The following DTWD2 variants were observed in gnomAD, a reference collection of about 807,000 sequenced individuals.
DTWD2 encodes the protein DTW motif tRNA-uridine aminocarboxypropyltransferase 2.
A neutral mutation model predicts 31.8 loss-of-function variants in DTWD2; 39 were observed. The observed-to-expected ratio is 1.22, with a 90% CI of 0.95 to 1.60. The LOEUF (loss-of-function observed/expected upper bound fraction) is 1.60. DTWD2 is among the 40% of genes most tolerant of loss of function. The pLI is 0.00. For missense variants in DTWD2, 515 were observed against 381.5 expected (o/e 1.35, Z -2.92); for synonymous variants, 180 against 142.8 (o/e 1.26, Z -1.86).
intron 5 of DTWD2, among the ~76,000 whole-genome samples, chr5:118,846,920 G>GCACACACACACACACA (rs144531960): frequency 3.0e-5 from 4 of 134,870 alleles, no homozygotes; most frequent in East Asian, 2.5e-4. Context: ...AAACACACAG[G>GCACACACACACACACA]CACACACACA....
At chr5:118,931,157 C>A (rs1257084546) in intron 3 of DTWD2, among the ~76,000 whole-genome samples, 2 of 151,984 alleles carry the variant, frequency 1.3e-5, no homozygotes, top group African/African-American at 2.4e-5. Context: ...CTTTGGGAGT[C>A]CAAGGCAGGA....
At chr5:118,988,103 C>T (rs924530450) in intron 1 of DTWD2, 191 bp downstream of exon 1, 2 of 742,646 alleles carry the variant, frequency 2.7e-6, no homozygotes, top group Non-Finnish European at 4.7e-6. Flanking sequence ...GTTAGATAAT[C>T]ATGAACCTGG....
chr5:118,875,496 G>A (rs948126670), intron 4 of DTWD2, among the ~76,000 whole-genome samples: 1 of 148,948 alleles, frequency 6.7e-6, no homozygotes, highest in African/African-American at 2.5e-5. Flanking sequence ...CAAAATAAAG[G>A]GAGGGAGAAA....
chr5:118,962,527 C>CA (rs898188185), intron 1 of DTWD2, among the ~76,000 whole-genome samples: 5 of 149,138 alleles, frequency 3.4e-5, no homozygotes, highest in Middle Eastern at 3.4e-3. Context: ...CTTCTGAATC[C>CA]AAAAAAAAAT....
At chr5:118,857,534 T>C (rs1417639528) in intron 4 of DTWD2, among the ~76,000 whole-genome samples, 3 of 152,228 alleles carry the variant, frequency 2.0e-5, no homozygotes, top group African/African-American at 4.8e-5. Flanking sequence ...TATTAATTTT[T>C]CGGAGTCTTT....
intron 4 of DTWD2, among the ~76,000 whole-genome samples, chr5:118,856,940 T>A (rs1376856138): frequency 2.0e-5 from 3 of 149,294 alleles, no homozygotes; most frequent in Admixed American, 2.0e-4. Flanking sequence ...GCCCAATTAA[T>A]TTTTTTTTGT....
chr5:118,913,058 C>G (rs1201282904), intron 4 of DTWD2, among the ~76,000 whole-genome samples: 1 of 152,102 alleles, frequency 6.6e-6, no homozygotes, highest in African/African-American at 2.4e-5. Flanking sequence ...TTATGCCTAG[C>G]GTTCCATTAT....
intron 2 of DTWD2, among the ~76,000 whole-genome samples, chr5:118,942,114 T>A (rs558039333): frequency 6.6e-6 from 1 of 152,236 alleles, no homozygotes; most frequent in Non-Finnish European, 1.5e-5. Flanking sequence ...AAAAATTTTC[T>A]CTCATTCTGT....
intron 5 of DTWD2, among the ~76,000 whole-genome samples, chr5:118,841,561 T>C (rs1751714244): frequency 6.6e-6 from 1 of 152,226 alleles, no homozygotes; most frequent in Non-Finnish European, 1.5e-5. Context: ...TTCTCTCACA[T>C]TAGTGCCATG....
chr5:118,909,653 T>C (rs936036051), intron 4 of DTWD2, among the ~76,000 whole-genome samples: 2 of 152,126 alleles, frequency 1.3e-5, no homozygotes, highest in Non-Finnish European at 2.9e-5. Context: ...CACATGCAGA[T>C]TTCAGGGCTG....
At chr5:118,972,795 C>T (rs960789622) in intron 1 of DTWD2, among the ~76,000 whole-genome samples, 8 of 152,218 alleles carry the variant, frequency 5.3e-5, no homozygotes, top group African/African-American at 9.7e-5. Context: ...TTGGCTTCAT[C>T]CCTGGGATCC....
intron 4 of DTWD2, among the ~76,000 whole-genome samples, chr5:118,855,979 C>CA (rs1206651251): frequency 6.6e-6 from 1 of 152,052 alleles, no homozygotes; most frequent in African/African-American, 2.4e-5. Flanking sequence ...CTAAAACTGA[C>CA]ATCCTTGAAT....
rs1755098823 is a variant in DTWD2 at position 118,974,502 on chromosome 5, T to G, written c.218+13792A>C. On this transcript the variant is annotated intron_variant, in intron 1 of 5. Coordinates refer to ENST00000510708, the MANE Select transcript of DTWD2 (RefSeq NM_173666.4). ...GCGTTCTCTGTCCTACTTCTGACTT[T>G]ACTTGTGGTGTGACCATGTTCATTA... 7 of 459,460 alleles carry G rather than the reference T, an allele frequency of 1.5e-5. No individual in the cohort carries two copies. In the Admixed American group the frequency reaches 1.8e-4, roughly 12 times the overall value. The allele number at this position is 459,460 out of a possible 1,614,324, so 28.5% of individuals were successfully genotyped here.
intron 4 of DTWD2, among the ~76,000 whole-genome samples, chr5:118,907,358 GAA>G (rs1270906148): frequency 6.6e-6 from 1 of 150,724 alleles, no homozygotes; most frequent in African/African-American, 2.4e-5. Flanking sequence ...GAGAGAGAGA[GAA>G]AGAGATTTCT....
chr5:118,922,261 T>G lies in DTWD2; in HGVS notation c.597+6276A>C, dbSNP rs1164981659. ...CTTTCATTCCTCAATTATGTAAGTATGAAGTTCACATACGGCTAGTTACTG... is the reference window on the plus strand; with the variant it reads ...CTTTCATTCCTCAATTATGTAAGTAGGAAGTTCACATACGGCTAGTTACTG... On this transcript the variant is annotated intron_variant, in intron 4 of 5. Transcript: ENST00000510708. Among the ~76,000 whole-genome samples, 3 of 152,228 alleles carry G rather than the reference T, an allele frequency of 2.0e-5. No individual in the cohort carries two copies. The South Asian group carries it at 6.2e-4, about 32-fold the overall frequency.
At position 118,857,388 on chromosome 5, in the gene DTWD2, T is replaced by A. The variant is rs147401931; in HGVS notation, c.598-9170A>T. On this transcript the variant is annotated intron_variant, in intron 4 of 5. Coordinates refer to ENST00000510708, the MANE Select transcript of DTWD2 (RefSeq NM_173666.4). ...AATGAAAATTTTTACTTTGGCCATATGTTGGGGGTTTTTTGCAGTTTCCTA... is the reference window on the plus strand; with the variant it reads ...AATGAAAATTTTTACTTTGGCCATAAGTTGGGGGTTTTTTGCAGTTTCCTA... Among the ~76,000 whole-genome samples, 296 of 152,304 alleles carry A rather than the reference T, an allele frequency of 1.9e-3. 1 individual carries two copies. Among genetic ancestry groups the A allele is most frequent in the Admixed American group, 4.7e-3 (72 of 15,294 alleles).
chr5:118,879,564 C>A (rs575029179), intron 4 of DTWD2, among the ~76,000 whole-genome samples: 3 of 147,592 alleles, frequency 2.0e-5, no homozygotes, highest in Non-Finnish European at 4.5e-5. Context: ...GAGCCAAGAT[C>A]GCACCACTAC....
intron 1 of DTWD2, among the ~76,000 whole-genome samples, chr5:118,972,246 G>T (rs1045455225): frequency 6.6e-6 from 1 of 152,078 alleles, no homozygotes; most frequent in African/African-American, 2.4e-5. Flanking sequence ...AAGAAGAAAA[G>T]GTGGAAGAAT....
intron 5 of DTWD2, among the ~76,000 whole-genome samples, chr5:118,844,633 A>C (rs1312165460): frequency 2.0e-5 from 3 of 152,216 alleles, no homozygotes; most frequent in Non-Finnish European, 4.4e-5. Flanking sequence ...TGGTCTGCCC[A>C]CTTGCAAAAA....
Sources: allele counts gnomAD v4.1 joint callset (sites outside exome capture counted in the v4.1 genomes callset), GRCh38; gene constraint gnomAD v4.1.1; transcripts MANE v1.5; gene names NCBI Gene and HGNC (gene_info 2026-07-23, HGNC 2026-07-21).